GHR: variants seen among roughly 807,000 people sequenced by gnomAD.
The protein encoded by GHR is growth hormone receptor, also known as GH receptor.
GHR carries 35 observed loss-of-function variants against 67.1 expected under a neutral mutation model. The observed-to-expected ratio is 0.52, with a 90% CI of 0.40 to 0.69. The LOEUF (loss-of-function observed/expected upper bound fraction) is 0.69, where lower values mean the gene tolerates loss of function less well. Among genes scored for constraint, GHR ranks in the 30% least tolerant of loss-of-function variants. The pLI is 0.00. For synonymous variants in GHR, 272 were observed against 269.1 expected (o/e 1.01, Z -0.10); for missense variants, 792 against 764.6 (o/e 1.04, Z -0.42).
rs760932807 is a variant in GHR at position 42,718,640 on chromosome 5, G to A, written c.1133G>A (p.Gly378Glu). ...SDHEKSHSNLGVKDGDSGRTS... is the reference protein window; with the variant it reads ...SDHEKSHSNLEVKDGDSGRTS... ...CATGAGAAATCACATAGTAACCTAG[G>A]GGTGAAGGATGGCGACTCTGGACGT... The change falls in exon 10 of 10, where the codon GGG becomes GAG. Residue 378 changes from glycine to glutamate, a missense_variant. Gly to Glu is a moderately conservative substitution (Grantham distance 98). Coordinates refer to ENST00000230882, the MANE Select transcript of GHR (RefSeq NM_000163.5). The A allele has an allele frequency of 9.3e-6, 15 of 1,614,012 alleles. No individual in the cohort carries two copies. In the Admixed American group the frequency reaches 2.5e-4, roughly 27 times the overall value.
intron 1 of GHR, among the ~76,000 whole-genome samples, chr5:42,541,947 C>T (rs1561108615): frequency 6.6e-6 from 1 of 152,082 alleles, no homozygotes; most frequent in Non-Finnish European, 1.5e-5. Flanking sequence ...GCCTATAAAA[C>T]ATTCAAAGAA....
intron 1 of GHR, among the ~76,000 whole-genome samples, chr5:42,459,919 C>T (rs563049875): frequency 6.6e-6 from 1 of 152,276 alleles, no homozygotes; most frequent in Admixed American, 6.5e-5. Flanking sequence ...CATTTTTTAG[C>T]CACGTGTCAT....
intron 3 of GHR, among the ~76,000 whole-genome samples, chr5:42,682,724 T>G (rs1267531822): frequency 6.6e-6 from 1 of 152,252 alleles, no homozygotes; most frequent in Non-Finnish European, 1.5e-5. Context: ...GAAAAGTGGC[T>G]TGTGTCATTC....
chr5:42,576,099 T>TAAAATAAAATAAAATA (rs11400007), intron 2 of GHR, among the ~76,000 whole-genome samples: 7 of 69,208 alleles, frequency 1.0e-4, no homozygotes, highest in East Asian at 9.9e-4. Flanking sequence ...TAAAATAAAA[T>TAAAATAAAATAAAATA]AAATAAAATA....
intron 1 of GHR, among the ~76,000 whole-genome samples, chr5:42,472,488 T>C (rs965423768): frequency 6.6e-6 from 1 of 152,176 alleles, no homozygotes; most frequent in Non-Finnish European, 1.5e-5. Context: ...TAGAGAACAT[T>C]AGAAGCATTT....
rs1341294742 is a variant in GHR, at chr5:42,721,502, A to T, written c.*2078A>T. On this transcript the variant is annotated 3_prime_UTR_variant, in exon 10 of 10. Transcript: ENST00000230882. Reference sequence around the variant, plus strand: ...GTTATTTGTAATAGATGTTTGATAGATTTTCTGCTACTTTGCTGCTATGGT... The same window carrying T: ...GTTATTTGTAATAGATGTTTGATAGTTTTTCTGCTACTTTGCTGCTATGGT... 2 of 152,578 alleles carry T rather than the reference A, an allele frequency of 1.3e-5. No homozygotes were observed. The highest frequency in any genetic ancestry group is 2.4e-5 in the African/African-American group (1 of 41,438). The allele number at this position is 152,578 out of a possible 1,614,324, so 9.5% of individuals were successfully genotyped here. A position where few individuals can be genotyped will look rare whatever the true frequency, so the allele number is the denominator to read the frequency against.
intron 3 of GHR, among the ~76,000 whole-genome samples, chr5:42,649,420 A>C (rs1754905970): frequency 6.6e-6 from 1 of 152,222 alleles, no homozygotes; most frequent in Non-Finnish European, 1.5e-5. Flanking sequence ...AATAACAATG[A>C]TTAATTTAAG....
intron 2 of GHR, among the ~76,000 whole-genome samples, chr5:42,620,314 TAAATATTTAGTAATTTTAC>T (rs1222137436): frequency 6.6e-6 from 1 of 152,156 alleles, no homozygotes; most frequent in African/African-American, 2.4e-5. Flanking sequence ...TTTTGAAAGT[TAAATATTTAGTAATTTTAC>T]AAATATGTAT....
chr5:42,504,847 CAA>C (rs1479373741), intron 1 of GHR, among the ~76,000 whole-genome samples: 1 of 152,162 alleles, frequency 6.6e-6, no homozygotes, highest in Non-Finnish European at 1.5e-5. Context: ...AGCACTTTTC[CAA>C]AAGAGTCTTA....
intron 1 of GHR, among the ~76,000 whole-genome samples, chr5:42,480,975 C>T (rs1302708064): frequency 2.0e-5 from 3 of 152,150 alleles, no homozygotes; most frequent in Non-Finnish European, 4.4e-5. Context: ...GCAGTTTCTT[C>T]CTAGCCTTGA....
At chr5:42,589,720 G>C (rs1751674767) in intron 2 of GHR, among the ~76,000 whole-genome samples, 1 of 152,154 alleles carries the variant, frequency 6.6e-6, no homozygotes. Context: ...AGGATTGACA[G>C]GTTTCCATGC....
chr5:42,696,866 G>T (rs1757698046), intron 5 of GHR, among the ~76,000 whole-genome samples: 1 of 152,196 alleles, frequency 6.6e-6, no homozygotes, highest in South Asian at 2.1e-4. Flanking sequence ...ACTAGTTCAA[G>T]TCAAACAGCT....
intron 1 of GHR, chr5:42,514,094 T>A: frequency 2.0e-6 from 2 of 984,390 alleles, no homozygotes; most frequent in Non-Finnish European, 1.2e-6. Context: ...AATGAGCAAC[T>A]TCTTTAACCA....
chr5:42,629,510 C>T (rs1489838609), intron 3 of GHR, among the ~76,000 whole-genome samples: 1 of 131,682 alleles, frequency 7.6e-6, no homozygotes, highest in Non-Finnish European at 1.6e-5. Flanking sequence ...ACACCTGCTC[C>T]GCTTCACCAT....
chr5:42,561,458 A>G (rs1040911700), intron 1 of GHR, among the ~76,000 whole-genome samples: 2 of 152,244 alleles, frequency 1.3e-5, no homozygotes, highest in African/African-American at 4.8e-5. Context: ...GGAGTTGGTT[A>G]TAGCATGCTG....
chr5:42,489,892 A>G (rs1463786749), intron 1 of GHR, among the ~76,000 whole-genome samples: 1 of 152,316 alleles, frequency 6.6e-6, no homozygotes, highest in Middle Eastern at 3.4e-3. Context: ...TTTCTAGTTA[A>G]CTTTGAACTC....
chr5:42,710,881 A>G (rs1439166467), intron 6 of GHR, among the ~76,000 whole-genome samples: 1 of 152,196 alleles, frequency 6.6e-6, no homozygotes, highest in African/African-American at 2.4e-5. Context: ...ATGTAGGCAT[A>G]TAGTTCTGCC....
At chr5:42,690,620 T>G (rs1329550933) in intron 4 of GHR, among the ~76,000 whole-genome samples, 1 of 152,218 alleles carries the variant, frequency 6.6e-6, no homozygotes, top group East Asian at 1.9e-4. Context: ...AGCATTTTAA[T>G]GCAGAGCTGC....
intron 3 of GHR, among the ~76,000 whole-genome samples, chr5:42,668,567 G>T (rs1046329447): frequency 6.6e-6 from 1 of 151,928 alleles, no homozygotes; most frequent in Non-Finnish European, 1.5e-5. Flanking sequence ...CTGTCTTACC[G>T]CACTAATATA....
Sources: allele counts gnomAD v4.1 joint callset (sites outside exome capture counted in the v4.1 genomes callset), GRCh38; gene constraint gnomAD v4.1.1; transcripts MANE v1.5; gene names NCBI Gene and HGNC (gene_info 2026-07-23, HGNC 2026-07-21).